Variants in ARHGAP32 observed in about 807,000 individuals in gnomAD.
ARHGAP32 encodes the protein rho GTPase-activating protein 32.
Under a neutral mutation model 186.5 loss-of-function variants are expected in ARHGAP32, and 51 were observed. That is an observed-to-expected ratio of 0.27 (90% CI 0.22 to 0.35). The LOEUF (loss-of-function observed/expected upper bound fraction) is 0.35, where lower values mean the gene tolerates loss of function less well. Among genes scored for constraint, ARHGAP32 ranks in the 10% least tolerant of loss-of-function variants. The probability of loss-of-function intolerance (pLI) is 1.00; values close to 1 mark genes in which losing one functional copy is unlikely to be tolerated. For synonymous variants in ARHGAP32, 950 were observed against 964.3 expected, an observed-to-expected ratio of 0.99 and a Z score of 0.27; for missense variants, 2,186 against 2,623.5, an observed-to-expected ratio of 0.83 and a Z score of 3.64.
chr11:129,217,982 A>T, intron 1 of ARHGAP32, among the ~76,000 whole-genome samples: 1 of 152,150 alleles, frequency 6.6e-6, no homozygotes, highest in East Asian at 1.9e-4. Context: ...GGGAGAATTA[A>T]GCGTGACAAT....
At chr11:129,047,524 T>G (rs1939863219) in intron 10 of ARHGAP32, among the ~76,000 whole-genome samples, 1 of 151,968 alleles carries the variant, frequency 6.6e-6, no homozygotes, top group East Asian at 1.9e-4. Context: ...CCCTTTAATT[T>G]CCTTGCAATA....
intron 11 of ARHGAP32, among the ~76,000 whole-genome samples, chr11:129,025,284 A>G (rs1306890101): frequency 2.0e-5 from 3 of 152,190 alleles, no homozygotes; most frequent in South Asian, 2.1e-4. Context: ...ATCATGCACC[A>G]TTCCAAAATC....
At chr11:129,024,278 G>T in intron 11 of ARHGAP32, 1 of 452,400 alleles carries the variant, frequency 2.2e-6, no homozygotes, top group Non-Finnish European at 2.9e-6. Context: ...ACCCCACACA[G>T]GTGAGCACTT....
intron 19 of ARHGAP32, 119 bp downstream of exon 19, chr11:128,978,651 G>T: frequency 1.1e-6 from 1 of 946,316 alleles, no homozygotes; most frequent in Non-Finnish European, 1.5e-6. Context: ...CACTCTGTAT[G>T]TGTGACACAA....
At chr11:129,100,257 G>T (rs1302490063) in intron 5 of ARHGAP32, among the ~76,000 whole-genome samples, 1 of 152,190 alleles carries the variant, frequency 6.6e-6, no homozygotes, top group Admixed American at 6.5e-5. Flanking sequence ...CCTGATCTCT[G>T]CAAGATGGTC....
chr11:129,115,598 T>C (rs937909064), intron 5 of ARHGAP32, among the ~76,000 whole-genome samples: 3 of 152,076 alleles, frequency 2.0e-5, no homozygotes, highest in African/African-American at 7.2e-5. Context: ...ACAGCCCTCA[T>C]CTTACTGATG....
intron 6 of ARHGAP32, 52 bp from the exon 7 acceptor site, chr11:129,066,920 T>C: frequency 7.1e-7 from 1 of 1,417,410 alleles, no homozygotes. Context: ...GGGAAATACT[T>C]ATGAATCAGG....
At chr11:129,278,587 G>A (rs1473799877) in intron 1 of ARHGAP32, among the ~76,000 whole-genome samples, 1 of 152,126 alleles carries the variant, frequency 6.6e-6, no homozygotes, top group African/African-American at 2.4e-5. Context: ...GGGGAAAAAA[G>A]GCACTAATGC....
rs367790217 is a variant in ARHGAP32 at position 128,969,675 on chromosome 11, G to C, written c.5538C>G (p.Pro1846=). ...EGEDRFYRRH[P]EAEMDRAHHH... is the part of the protein sequence containing the mutation. ...GGTGGGCTCTGTCCATCTCTGCCTC[G>C]GGATGCCTCCTATAGAAGCGGTCCT... The change falls in exon 23 of 23, where the codon CCC becomes CCG. Residue 1846 remains proline (P), a synonymous_variant. Coordinates refer to ENST00000682385, the MANE Select transcript of ARHGAP32 (RefSeq NM_001378024.1). This position sits in a 1 kb window ranked among gnomAD's most constrained non-coding sequence, Gnocchi z 4.8. The C allele has an allele frequency of 4.3e-6, 7 of 1,613,932 alleles. No individual in the cohort carries two copies. In the Admixed American group the frequency reaches 1.0e-4, roughly 23 times the overall value.
At chr11:129,050,575 A>G (rs1940002082) in intron 10 of ARHGAP32, among the ~76,000 whole-genome samples, 1 of 152,182 alleles carries the variant, frequency 6.6e-6, no homozygotes, top group Non-Finnish European at 1.5e-5. Flanking sequence ...ATTTTCTCCC[A>G]GTCTGTGGTT....
chr11:129,266,281 G>A (rs555661779), intron 1 of ARHGAP32, among the ~76,000 whole-genome samples: 1 of 151,948 alleles, frequency 6.6e-6, no homozygotes, highest in Non-Finnish European at 1.5e-5. Flanking sequence ...TAATAAGAAG[G>A]GCACAAAACC....
At chr11:128,978,230 C>T (rs1234152170) in intron 19 of ARHGAP32, among the ~76,000 whole-genome samples, 2 of 152,122 alleles carry the variant, frequency 1.3e-5, no homozygotes, top group African/African-American at 2.4e-5. Flanking sequence ...CTAAGAAGTA[C>T]TACTATCCTT....
chr11:129,169,871 A>C (rs1056615063), intron 1 of ARHGAP32, among the ~76,000 whole-genome samples: 2 of 152,090 alleles, frequency 1.3e-5, no homozygotes, highest in African/African-American at 2.4e-5. Context: ...AAAGATAATA[A>C]AAATTGTATA....
intron 1 of ARHGAP32, among the ~76,000 whole-genome samples, chr11:129,186,637 A>T (rs1296314069): frequency 6.6e-6 from 1 of 152,204 alleles, no homozygotes; most frequent in Non-Finnish European, 1.5e-5. Context: ...TAATTACCAG[A>T]ATATATAAGG....
At chr11:129,252,668 A>C (rs534689947) in intron 1 of ARHGAP32, among the ~76,000 whole-genome samples, 2 of 152,332 alleles carry the variant, frequency 1.3e-5, no homozygotes, top group East Asian at 3.9e-4. Flanking sequence ...TTTGCATTAA[A>C]GCAAGAATAT....
At chr11:129,043,662 A>G (rs1211830997) in intron 10 of ARHGAP32, among the ~76,000 whole-genome samples, 1 of 152,114 alleles carries the variant, frequency 6.6e-6, no homozygotes, top group Non-Finnish European at 1.5e-5. Flanking sequence ...TGCTGGGATT[A>G]CAGGCGTGAG....
chr11:129,255,159 T>C (rs779407619), intron 1 of ARHGAP32, among the ~76,000 whole-genome samples: 2 of 152,040 alleles, frequency 1.3e-5, no homozygotes, highest in South Asian at 2.1e-4. Context: ...GTTATAATAA[T>C]TGGAACAGCA....
intron 1 of ARHGAP32, among the ~76,000 whole-genome samples, chr11:129,229,482 C>T (rs975513461): frequency 3.9e-5 from 6 of 152,092 alleles, no homozygotes; most frequent in African/African-American, 1.4e-4. Context: ...TTATCAAATG[C>T]TACCAATTAT....
At chr11:129,201,798 GA>G (rs745567684) in intron 1 of ARHGAP32, among the ~76,000 whole-genome samples, 16 of 152,198 alleles carry the variant, frequency 1.1e-4, no homozygotes, top group Non-Finnish European at 1.9e-4. Flanking sequence ...CAGAGCAACA[GA>G]GCAAGACTCC....
Sources: gnomAD v4.1 joint callset for allele counts (sites outside exome capture counted in the v4.1 genomes callset) on GRCh38, gnomAD v4.1.1 for gene constraint, Gnocchi (gnomAD v3.1) non-coding constraint, MANE v1.5 for transcripts, NCBI Gene and HGNC (gene_info 2026-07-23, HGNC 2026-07-21) for gene names.